Variants in PLEKHG1 observed in about 807,000 individuals in gnomAD.
PLEKHG1 encodes the protein pleckstrin homology domain-containing family G member 1.
PLEKHG1 carries 44 observed loss-of-function variants against 100.8 expected under a neutral mutation model. The ratio of observed to expected loss-of-function variants is 0.44; its 90% CI spans 0.34 to 0.56. PLEKHG1 has a LOEUF of 0.56. PLEKHG1 is among the 20% of genes least tolerant of loss of function. The pLI is 0.01. For synonymous variants in PLEKHG1, 640 were observed against 662.5 expected (o/e 0.97, Z 0.52); for missense variants, 1,545 against 1,720.9 (o/e 0.90, Z 1.81).
Position 150,781,625 on chromosome 6 carries a change from GTTAAT to G in PLEKHG1, c.513-4759_513-4755del, listed in dbSNP as rs138727743. Among the ~76,000 whole-genome samples the G allele has an allele frequency of 5.5e-3, 841 of 152,054 alleles. 2 individuals are homozygous for G. Among genetic ancestry groups the G allele is most frequent in the African/African-American group, 0.019 (780 of 41,496 alleles). On this transcript the variant is annotated intron_variant, in intron 3 of 15. Transcript: ENST00000358517. ...AACTTTTTTTTTAAACGGGAAAAGA[GTTAAT>G]TTAATCACTCCCATCTTTCTATAAA...
intron 13 of PLEKHG1, 104 bp from the exon 15 acceptor site, chr6:150,823,550 C>T: frequency 1.3e-6 from 1 of 763,036 alleles, no homozygotes. Context: ...ACTTGGGCTT[C>T]AATTACTAGT....
Position 150,677,283 on chromosome 6 carries a change from T to TACGCACACACACAC in PLEKHG1, c.-99+26498_-99+26499insCGCACACACACACA, listed in dbSNP as rs756621195. On this transcript the variant is annotated intron_variant, in intron 3 of 3. Coordinates refer to the PLEKHG1 transcript ENST00000367326. ...CAGTCTTGTCTCTTGTTTCTTCCCCTATACACACACACACACACACGCGCG... is the reference window on the plus strand; with the variant it reads ...CAGTCTTGTCTCTTGTTTCTTCCCCTACGCACACACACACATACACACACACACACACACGCGCG... Among the ~76,000 whole-genome samples the TACGCACACACACAC allele has an allele frequency of 3.2e-3, 429 of 134,258 alleles. 1 individual carries two copies. Among genetic ancestry groups the TACGCACACACACAC allele is most frequent in the Non-Finnish European group, 5.0e-3 (291 of 57,794 alleles). The allele number at this position is 134,258 out of a possible 152,430, so 88.1% of individuals were successfully genotyped here.
chr6:150,711,369 A>G (rs891022062), intron 3 of PLEKHG1, among the ~76,000 whole-genome samples: 1 of 152,200 alleles, frequency 6.6e-6, no homozygotes, highest in Non-Finnish European at 1.5e-5. Context: ...TAGTTGAACA[A>G]AGATGCAAAT....
At chr6:150,612,045 T>TGGG (rs1491263507) in intron 1 of PLEKHG1, among the ~76,000 whole-genome samples, 2 of 77,276 alleles carry the variant, frequency 2.6e-5, no homozygotes, top group Admixed American at 1.3e-4. Context: ...CTGGTGTTGT[T>TGGG]CCCCCCCCCC....
intron 1 of PLEKHG1, among the ~76,000 whole-genome samples, chr6:150,614,638 C>T (rs1359147674): frequency 2.0e-5 from 3 of 152,106 alleles, no homozygotes; most frequent in African/African-American, 7.2e-5. Context: ...ACAGTGTCAT[C>T]TCCCCAGGCC....
chr6:150,726,933 T>C (rs1781989954), intron 1 of PLEKHG1, among the ~76,000 whole-genome samples: 1 of 152,230 alleles, frequency 6.6e-6, no homozygotes, highest in Non-Finnish European at 1.5e-5. Context: ...CTTAAACATT[T>C]TTTAAAGCAT....
Position 150,683,918 on chromosome 6 carries a change from G to A in PLEKHG1, c.-99+33132G>A. 1.1e-6 allele frequency: 1 copy of A among 876,810 alleles called. No homozygotes were observed. The highest frequency in any genetic ancestry group is 1.6e-5 in the South Asian group (1 of 63,320). 54.3% of individuals were successfully genotyped at this position (876,810 alleles called of 1,614,324 possible). A position where few individuals can be genotyped will look rare whatever the true frequency, so the allele number is the denominator to read the frequency against. The stretch of plus-strand genomic sequence containing the variant: ...GCGATCCTATGGTTTGGCACCTGCA[G>A]CCAGGGTGGTGGCAAGGGCAGTGGC... On this transcript the variant is annotated intron_variant, in intron 3 of 3. Transcript: ENST00000367326. The surrounding 1 kb of genome is among the most constrained non-coding windows in gnomAD (Gnocchi z 4.0).
At chr6:150,609,176 A>G (rs557221558) in intron 1 of PLEKHG1, among the ~76,000 whole-genome samples, 6 of 152,242 alleles carry the variant, frequency 3.9e-5, no homozygotes, top group Non-Finnish European at 5.9e-5. Flanking sequence ...TGAGATTAGA[A>G]TTAGTTTATT....
At chr6:150,726,156 T>C (rs1011655945) in intron 1 of PLEKHG1, among the ~76,000 whole-genome samples, 47 of 152,170 alleles carry the variant, frequency 3.1e-4, no homozygotes, top group African/African-American at 1.1e-3. Context: ...ATACAAATTT[T>C]CAGCTATGCA....
At chr6:150,786,357 T>C in intron 3 of PLEKHG1, 33 bp from the exon 5 acceptor site, 4 of 1,435,246 alleles carry the variant, frequency 2.8e-6, no homozygotes, top group Non-Finnish European at 3.9e-6. Flanking sequence ...AAGACTACAA[T>C]CTAATACTTC....
In PLEKHG1 at chr6:150,683,191, A is replaced by G. The variant is rs73780068; in HGVS notation, c.-99+32405A>G. ...TCCTCTGTAGAGGGCAGATGGGGACAGTATTTATATTTATGAAATTTAGAG... is the reference window on the plus strand; with the variant it reads ...TCCTCTGTAGAGGGCAGATGGGGACGGTATTTATATTTATGAAATTTAGAG... On this transcript the variant is annotated intron_variant, in intron 3 of 3. Coordinates refer to the PLEKHG1 transcript ENST00000367326. This position sits in a 1 kb window ranked among gnomAD's most constrained non-coding sequence, Gnocchi z 4.0. Among the ~76,000 whole-genome samples the G allele has an allele frequency of 0.022, 3,381 of 152,304 alleles. 118 individuals carry two copies. Among genetic ancestry groups the G allele is most frequent in the African/African-American group, 0.077 (3,192 of 41,556 alleles).
chr6:150,745,397 C>T (rs1783104555), intron 2 of PLEKHG1, among the ~76,000 whole-genome samples: 1 of 152,140 alleles, frequency 6.6e-6, no homozygotes, highest in Non-Finnish European at 1.5e-5. Context: ...AAATCACGCA[C>T]TTTGGCCAGC....
intron 1 of PLEKHG1, among the ~76,000 whole-genome samples, chr6:150,729,884 T>C (rs1422779800): frequency 6.6e-6 from 1 of 152,134 alleles, no homozygotes; most frequent in African/African-American, 2.4e-5. Context: ...CCTATTGATC[T>C]GAGTTTTATA....
At chr6:150,608,720 T>C (rs148005037) in intron 1 of PLEKHG1, among the ~76,000 whole-genome samples, 1 of 152,322 alleles carries the variant, frequency 6.6e-6, no homozygotes, top group African/African-American at 2.4e-5. Context: ...GGGGATATTA[T>C]GAAAAAAACT....
chr6:150,794,547 G>A (rs1466761086), intron 4 of PLEKHG1, among the ~76,000 whole-genome samples: 3 of 151,976 alleles, frequency 2.0e-5, no homozygotes, highest in African/African-American at 4.8e-5. Flanking sequence ...TACACCTGTA[G>A]TCCCAGCTAC....
rs190552430 is a variant in PLEKHG1 at position 150,839,566 on chromosome 6, A to T, written c.3095-267A>T. Among the ~76,000 whole-genome samples the T allele has an allele frequency of 3.2e-3, 480 of 152,328 alleles. 2 individuals carry two copies. Among genetic ancestry groups the T allele is most frequent in the African/African-American group, 0.011 (458 of 41,572 alleles). On this transcript the variant is annotated intron_variant, in intron 15 of 15. Coordinates refer to ENST00000358517, the Ensembl canonical transcript of PLEKHG1. ...GAAACTTTCATTATATATAGTGGAC[A>T]CTTGCAGACCTGCTGTTGAAACAAA...
At chr6:150,756,772 TAAGTC>T (rs1465187904) in intron 2 of PLEKHG1, among the ~76,000 whole-genome samples, 1 of 152,186 alleles carries the variant, frequency 6.6e-6, no homozygotes, top group Non-Finnish European at 1.5e-5. Flanking sequence ...TTAGCACAAA[TAAGTC>T]AAGGCTTTTG....
chr6:150,739,434 G>A (rs954513453), intron 2 of PLEKHG1, among the ~76,000 whole-genome samples: 1 of 152,050 alleles, frequency 6.6e-6, no homozygotes, highest in African/African-American at 2.4e-5. Flanking sequence ...TTGGGAGGCC[G>A]AAGTAGGCAG....
chr6:150,685,100 G>A (rs1198669720), intron 3 of PLEKHG1, among the ~76,000 whole-genome samples: 4 of 152,082 alleles, frequency 2.6e-5, no homozygotes, highest in Non-Finnish European at 5.9e-5. Flanking sequence ...CCCACCTCCT[G>A]ATCCTGTCTC....
Sources: allele counts gnomAD v4.1 joint callset (sites outside exome capture counted in the v4.1 genomes callset), GRCh38; gene constraint gnomAD v4.1.1; non-coding constraint Gnocchi (gnomAD v3.1); transcripts MANE v1.5; gene names NCBI Gene and HGNC (gene_info 2026-07-23, HGNC 2026-07-21).